PRMT3: variants seen among roughly 807,000 people sequenced by gnomAD.
PRMT3 encodes protein arginine methyltransferase 3, also known as protein arginine N-methyltransferase 3.
Under a neutral mutation model 71.9 loss-of-function variants are expected in PRMT3, and 62 were observed. The observed-to-expected ratio is 0.86, with a 90% CI of 0.70 to 1.07. The LOEUF (loss-of-function observed/expected upper bound fraction) is 1.07, where lower values mean the gene tolerates loss of function less well. PRMT3 is among the 50% of genes least tolerant of loss of function. The pLI, the probability that PRMT3 is intolerant of heterozygous loss-of-function variation, is 0.00. For missense variants in PRMT3, 663 were observed against 643.0 expected, an observed-to-expected ratio of 1.03 and a Z score of -0.34; for synonymous variants, 213 against 220.4, an observed-to-expected ratio of 0.97 and a Z score of 0.30.
rs1002224874 is a variant in PRMT3, at chr11:20,401,343, GA to G, written c.706-1569del. On this transcript the variant is annotated intron_variant, in intron 7 of 15. Coordinates refer to ENST00000331079, the MANE Select transcript of PRMT3 (RefSeq NM_005788.4). Reference sequence around the variant, plus strand: ...AAAAGTGTATGAAACGGTATGCTTTGAAAAAAAGTTTTAAAATTAGATAATT... The same window carrying G: ...AAAAGTGTATGAAACGGTATGCTTTGAAAAAAGTTTTAAAATTAGATAATT... 2.0e-5 allele frequency among the ~76,000 whole-genome samples: 3 copies of G among 151,932 alleles called. No individual in the cohort carries two copies. The South Asian group carries it at 6.2e-4, about 32-fold the overall frequency.
At chr11:20,467,245 G>A (rs1332845840) in intron 13 of PRMT3, among the ~76,000 whole-genome samples, 2 of 152,144 alleles carry the variant, frequency 1.3e-5, no homozygotes, top group Non-Finnish European at 2.9e-5. Context: ...TCAGAGGAAG[G>A]TAACGTACAT....
chr11:20,494,443 C>T (rs1851287793), intron 15 of PRMT3, among the ~76,000 whole-genome samples, 189 bp downstream of exon 15: 1 of 152,212 alleles, frequency 6.6e-6, no homozygotes, highest in Non-Finnish European at 1.5e-5. Flanking sequence ...AAGCAGTTCT[C>T]CTGCCTCAGC....
chr11:20,440,489 CAAA>C (rs55801324), intron 10 of PRMT3, among the ~76,000 whole-genome samples: 4,587 of 115,866 alleles, frequency 0.04, 102 homozygotes, highest in East Asian at 0.19. Context: ...ACTAAAAATA[CAAA>C]AAAAAAAAAA....
intron 10 of PRMT3, among the ~76,000 whole-genome samples, chr11:20,442,770 A>C (rs2133375248): frequency 6.6e-6 from 1 of 152,366 alleles, no homozygotes; most frequent in African/African-American, 2.4e-5. Context: ...TTGTATAGAC[A>C]ATTACATTCT....
At chr11:20,409,046 G>A (rs145885398) in intron 9 of PRMT3, among the ~76,000 whole-genome samples, 1,572 of 152,224 alleles carry the variant, frequency 0.01, 36 homozygotes, top group African/African-American at 0.036. Flanking sequence ...GCAGTGAGCC[G>A]TGATCATGCC....
chr11:20,467,556 T>TTTTTGGC (rs1418267615), intron 13 of PRMT3, among the ~76,000 whole-genome samples: 1 of 152,186 alleles, frequency 6.6e-6, no homozygotes, highest in Non-Finnish European at 1.5e-5. Context: ...ACAATGTTTA[T>TTTTTGGC]TTTTGGCAAA....
intron 15 of PRMT3, among the ~76,000 whole-genome samples, chr11:20,494,975 A>G (rs775384283): frequency 1.3e-5 from 2 of 152,160 alleles, no homozygotes; most frequent in Non-Finnish European, 2.9e-5. Flanking sequence ...TATGCCTGTA[A>G]TAAGCCACTT....
chr11:20,481,779 A>G (rs1327241509), intron 13 of PRMT3, among the ~76,000 whole-genome samples: 1 of 152,032 alleles, frequency 6.6e-6, no homozygotes, highest in Non-Finnish European at 1.5e-5. Context: ...ATTTACTTCC[A>G]TTTGACTTCA....
intron 12 of PRMT3, among the ~76,000 whole-genome samples, chr11:20,464,194 T>G (rs1015083296): frequency 3.9e-5 from 6 of 152,314 alleles, no homozygotes; most frequent in Admixed American, 2.0e-4. Context: ...ATTAGCACTA[T>G]GATTTGATAA....
chr11:20,473,077 A>G (rs1850689465), intron 13 of PRMT3, among the ~76,000 whole-genome samples: 1 of 151,668 alleles, frequency 6.6e-6, no homozygotes. Context: ...TTCTGTGGAG[A>G]CCACGGTAAT....
Position 20,462,272 on chromosome 11 carries a change from A to T in PRMT3, c.1260+105A>T, listed in dbSNP as rs968422393. ...TTTATATATGGGCTTTCAAAACAGT[A>T]CTTTTCCCATTGTAATCAGTCTAAA... On this transcript the variant is annotated intron_variant, in intron 12 of 15. Coordinates refer to ENST00000331079, the MANE Select transcript of PRMT3 (RefSeq NM_005788.4). 6 of 912,710 alleles carry T rather than the reference A, an allele frequency of 6.6e-6. No individual in the cohort carries two copies. In the South Asian group the frequency reaches 1.3e-4, roughly 19 times the overall value. The allele number at this position is 912,710 out of a possible 1,614,324, so 56.5% of individuals were successfully genotyped here. A position where few individuals can be genotyped will look rare whatever the true frequency, so the allele number is the denominator to read the frequency against.
rs1184010915 is a variant in PRMT3 at position 20,493,911 on chromosome 11, A to C, written c.1348-8A>C. 1 of 1,564,828 alleles carries C rather than the reference A, an allele frequency of 6.4e-7. No homozygotes were observed. The highest frequency in any genetic ancestry group is 8.7e-7 in the Non-Finnish European group (1 of 1,144,198). On this transcript the variant is annotated splice_region_variant and splice_polypyrimidine_tract_variant and intron_variant, in intron 13 of 15. Coordinates refer to ENST00000331079, the MANE Select transcript of PRMT3 (RefSeq NM_005788.4). ...GTAAGCATTTATATTTCTTTTTTTA[A>C]AAAACAGGCAATTGCTGGCTACTTT... is the stretch of plus-strand genomic sequence containing the variant.
rs1849087592 is a variant in PRMT3, at chr11:20,407,083, A to G, written c.772-828A>G. ...CTGGACTCCCTAGGTCATGAAGGGTATATACCATGTATGGTGTCACCAGTT... is the reference window on the plus strand; with the variant it reads ...CTGGACTCCCTAGGTCATGAAGGGTGTATACCATGTATGGTGTCACCAGTT... On this transcript the variant is annotated intron_variant, in intron 8 of 15. Coordinates refer to ENST00000331079, the MANE Select transcript of PRMT3 (RefSeq NM_005788.4). 3 of 152,224 alleles carry G rather than the reference A, an allele frequency of 2.0e-5. No homozygotes were observed. In the South Asian group the frequency reaches 6.2e-4, roughly 31 times the overall value. The allele number at this position is 152,224 out of a possible 1,614,324, so 9.4% of individuals were successfully genotyped here.
intron 9 of PRMT3, among the ~76,000 whole-genome samples, chr11:20,415,206 T>TA (rs950002582): frequency 6.6e-6 from 1 of 151,964 alleles, no homozygotes; most frequent in Admixed American, 6.6e-5. Flanking sequence ...AAAATGGTTT[T>TA]AAAAAAAATT....
At chr11:20,483,787 C>G (rs1478583746) in intron 13 of PRMT3, among the ~76,000 whole-genome samples, 1 of 152,188 alleles carries the variant, frequency 6.6e-6, no homozygotes, top group Admixed American at 6.5e-5. Flanking sequence ...GCCTTGTATA[C>G]TCTTCCTTTC....
At chr11:20,471,787 T>C (rs986544847) in intron 13 of PRMT3, among the ~76,000 whole-genome samples, 2 of 152,230 alleles carry the variant, frequency 1.3e-5, no homozygotes, top group African/African-American at 4.8e-5. Context: ...TACATTACTT[T>C]GGGAAGTATG....
At chr11:20,484,944 CT>C (rs755423228) in intron 13 of PRMT3, among the ~76,000 whole-genome samples, 14 of 152,200 alleles carry the variant, frequency 9.2e-5, no homozygotes, top group Non-Finnish European at 1.5e-4. Context: ...ACAATTGGGG[CT>C]GCTTTTGCCC....
chr11:20,464,640 A>G (rs1850466213), intron 13 of PRMT3, 94 bp downstream of exon 13: 1 of 1,542,074 alleles, frequency 6.5e-7, no homozygotes, highest in African/African-American at 1.4e-5. Flanking sequence ...GACAAATGAA[A>G]ATGACTATTG....
At chr11:20,434,527 T>C (rs1261448398) in intron 10 of PRMT3, among the ~76,000 whole-genome samples, 1 of 152,214 alleles carries the variant, frequency 6.6e-6, no homozygotes, top group Non-Finnish European at 1.5e-5. Context: ...TTTAAGTCTT[T>C]AGCCCATCTT....
Sources: gnomAD v4.1 joint callset for allele counts (sites outside exome capture counted in the v4.1 genomes callset) on GRCh38, gnomAD v4.1.1 for gene constraint, MANE v1.5 for transcripts, NCBI Gene and HGNC (gene_info 2026-07-23, HGNC 2026-07-21) for gene names.